The following RABGAP1 variants were observed in gnomAD, a reference collection of about 807,000 sequenced individuals.
RABGAP1 encodes rab GTPase-activating protein 1.
RABGAP1 carries 23 observed loss-of-function variants against 137.6 expected under a neutral mutation model. That is an observed-to-expected ratio of 0.17 (90% CI 0.12 to 0.24). RABGAP1 has a LOEUF of 0.24. Ranked by LOEUF, RABGAP1 falls within the 10% of genes least tolerant of loss-of-function variation. RABGAP1 has a pLI of 1.00. For missense variants in RABGAP1, 906 were observed against 1,275.8 expected (o/e 0.71, Z 4.42); for synonymous variants, 451 against 450.7 (o/e 1.00, Z -0.01).
chr9:122,990,769 C>CAAAAAAAAA (rs869120702), intron 6 of RABGAP1: 1 of 15,916 alleles, frequency 6.3e-5, no homozygotes, highest in African/African-American at 4.2e-4. Context: ...AACTCCGTCT[C>CAAAAAAAAA]AAAAAAAAAA....
At chr9:123,000,291 T>C (rs1837251116) in intron 10 of RABGAP1, among the ~76,000 whole-genome samples, 1 of 152,182 alleles carries the variant, frequency 6.6e-6, no homozygotes, top group Non-Finnish European at 1.5e-5. Context: ...AAAGTTAAAC[T>C]TCATACTCTG....
upstream of RABGAP1, chr9:122,940,414 G>C (rs768261674): frequency 6.6e-6 from 1 of 152,096 alleles, no homozygotes; most frequent in Non-Finnish European, 1.5e-5. Context: ...TTTAGGACTT[G>C]GCAGTCGGAA....
At chr9:123,098,105 G>T (rs373281241) in intron 22 of RABGAP1, among the ~76,000 whole-genome samples, 3 of 152,238 alleles carry the variant, frequency 2.0e-5, no homozygotes, top group Non-Finnish European at 2.9e-5. Flanking sequence ...AGAAGAGGGG[G>T]TAGAATTCCT....
intron 12 of RABGAP1, among the ~76,000 whole-genome samples, chr9:123,018,578 T>C (rs592564): frequency 0.76 from 115,209 of 152,152 alleles, 45,552 homozygotes; most frequent in Middle Eastern, 0.89. Context: ...GCCCACAGGC[T>C]ATAGCATACC....
chr9:122,990,099 C>T lies in RABGAP1; in HGVS notation c.809C>T (p.Ser270Phe), dbSNP rs1252296330. Residue 270 changes from serine to phenylalanine, a missense_variant, in exon 6 of 26, where the codon TCT becomes TTT. Physicochemically the swap from Ser to Phe is radical, Grantham distance 155. Transcript: ENST00000373647. ...AGTTTTGCCACTGCCTTCCGCCGTT[C>T]TGCCAAGCAGACCCCACTTTCAGCC... ...LYSFATAFRR[S>F]AKQTPLSATA... The T allele has an allele frequency of 6.2e-7, 1 of 1,610,950 alleles. No homozygotes were observed. The highest frequency in any genetic ancestry group is 1.3e-5 in the African/African-American group (1 of 74,826).
At chr9:122,962,967 C>G (rs1834929343) in intron 2 of RABGAP1, among the ~76,000 whole-genome samples, 1 of 152,140 alleles carries the variant, frequency 6.6e-6, no homozygotes, top group Non-Finnish European at 1.5e-5. Flanking sequence ...AAACAAAAAA[C>G]TTTACTAGAG....
At chr9:122,985,685 C>T (rs768608064) in intron 3 of RABGAP1, among the ~76,000 whole-genome samples, 9 of 150,330 alleles carry the variant, frequency 6.0e-5, no homozygotes, top group African/African-American at 9.8e-5. Context: ...AATGTATATT[C>T]GACCTAAATG....
At position 123,082,980 on chromosome 9, in the gene RABGAP1, G is replaced by A. The variant is rs759490891; in HGVS notation, c.2424+6218G>A. On this transcript the variant is annotated intron_variant, in intron 19 of 25. Transcript: ENST00000373647. ...CTCTCTGAGGGCAGCGACTTCATCC[G>A]TCTTGTTTGTTGATGGATTCGCAGA... 2.6e-5 allele frequency among the ~76,000 whole-genome samples: 4 copies of A among 152,184 alleles called. No homozygotes were observed. The East Asian group carries it at 5.8e-4, about 22-fold the overall frequency.
At position 122,989,459 on chromosome 9, in the gene RABGAP1, A is replaced by C. The variant is rs1836550042; in HGVS notation, c.753A>C (p.Glu251Asp). Reference protein sequence around the residue: ...ELFRIHVFRCEIQEAVSRILY... With the variant: ...ELFRIHVFRCDIQEAVSRILY... ...TCAGAATACACGTCTTCCGGTGTGAAATACAAGAAGCTGTAAGTCCTCAAG... is the reference window on the plus strand; with the variant it reads ...TCAGAATACACGTCTTCCGGTGTGACATACAAGAAGCTGTAAGTCCTCAAG... The change falls in exon 5 of 26, where the codon GAA becomes GAC. Residue 251 changes from glutamate (E) to aspartate (D), a missense_variant. This residue lies in a region of RABGAP1 where 331 missense variants were observed against 358.3 expected (regional missense o/e 0.92). Transcript: ENST00000373647. 1 of 1,613,926 alleles carries C rather than the reference A, an allele frequency of 6.2e-7. No homozygotes were observed. The highest frequency in any genetic ancestry group is 8.5e-7 in the Non-Finnish European group (1 of 1,180,000).
At chr9:123,048,699 A>G (rs1383474240) in intron 13 of RABGAP1, among the ~76,000 whole-genome samples, 37 of 152,268 alleles carry the variant, frequency 2.4e-4, no homozygotes, top group Admixed American at 2.4e-3. Flanking sequence ...TAGTTCACCC[A>G]TAAATTACCT....
chr9:123,030,690 T>C (rs752149894), intron 13 of RABGAP1, among the ~76,000 whole-genome samples: 36 of 152,284 alleles, frequency 2.4e-4, no homozygotes, highest in African/African-American at 7.0e-4. Context: ...TTTCTCTGTG[T>C]TGGGAACATT....
intron 13 of RABGAP1, among the ~76,000 whole-genome samples, chr9:123,031,583 A>G (rs954265120): frequency 4.6e-5 from 7 of 152,194 alleles, no homozygotes; most frequent in Admixed American, 2.0e-4. Flanking sequence ...TGTATTAAAA[A>G]TTGAAAGGAG....
chr9:123,072,128 C>T (rs889689954), intron 15 of RABGAP1, among the ~76,000 whole-genome samples: 1 of 152,088 alleles, frequency 6.6e-6, no homozygotes, highest in Non-Finnish European at 1.5e-5. Context: ...TGCATTATAC[C>T]GGTTGAGCAT....
At chr9:123,049,179 C>G (rs1443400590) in intron 13 of RABGAP1, among the ~76,000 whole-genome samples, 1 of 140,134 alleles carries the variant, frequency 7.1e-6, no homozygotes, top group African/African-American at 2.9e-5. Context: ...TAATATAATT[C>G]TAAAGTATAT....
Position 122,952,492 on chromosome 9 carries a change from T to G in RABGAP1, c.-49-4519T>G, listed in dbSNP as rs10283469. Among the ~76,000 whole-genome samples, 704 of 152,148 alleles carry G rather than the reference T, an allele frequency of 4.6e-3. 18 individuals are homozygous for G. In the East Asian group the frequency reaches 0.063, roughly 14 times the overall value. On this transcript the variant is annotated intron_variant, in intron 1 of 25. Coordinates refer to ENST00000373647, the MANE Select transcript of RABGAP1 (RefSeq NM_012197.4). ...ACCGTGTTAGCCAGGATGGTCTTGA[T>G]CTCCTGATCTCGTGATCTGCCCGCC...
At chr9:123,010,271 A>G (rs1409926203) in intron 10 of RABGAP1, 83 bp from the exon 11 acceptor site, 6 of 1,273,128 alleles carry the variant, frequency 4.7e-6, no homozygotes, top group African/African-American at 1.5e-5. Context: ...GATCACTGCA[A>G]TTAAAAACAT....
chr9:122,932,105 T>C, the RABGAP1 span, among the ~76,000 whole-genome samples: 1 of 152,350 alleles, frequency 6.6e-6, no homozygotes, highest in Non-Finnish European at 1.5e-5. Context: ...AAGTACCTTT[T>C]AATGATCTCA....
chr9:123,016,727 A>C (rs1383954987), intron 12 of RABGAP1, among the ~76,000 whole-genome samples: 2 of 152,176 alleles, frequency 1.3e-5, no homozygotes, highest in Non-Finnish European at 2.9e-5. Context: ...TTGTCAAATA[A>C]ACTCCCTATT....
intron 13 of RABGAP1, among the ~76,000 whole-genome samples, chr9:123,024,627 AC>A (rs2031849401): frequency 6.6e-6 from 1 of 151,992 alleles, no homozygotes. Context: ...TTTAGTAGAT[AC>A]TAAGTTTCAC....
Sources: gnomAD v4.1 joint callset for allele counts (sites outside exome capture counted in the v4.1 genomes callset) on GRCh38, gnomAD v4.1.1 for gene constraint, gnomAD v4.1.1 regional missense constraint, MANE v1.5 for transcripts, NCBI Gene and HGNC (gene_info 2026-07-23, HGNC 2026-07-21) for gene names.